Variants in CDHR2 observed in about 807,000 individuals in gnomAD.
CDHR2 encodes cadherin-related family member 2.
In CDHR2, 104 loss-of-function variants were observed where a neutral mutation model predicts 138.6. The observed-to-expected ratio is 0.75, with a 90% confidence interval of 0.64 to 0.88. The LOEUF is 0.88. Ranked by LOEUF, CDHR2 falls within the 40% of genes least tolerant of loss-of-function variation. The probability of loss-of-function intolerance (pLI) is 0.00; values close to 1 mark genes in which losing one functional copy is unlikely to be tolerated. For synonymous variants in CDHR2, 755 were observed against 742.8 expected, an observed-to-expected ratio of 1.02 and a Z score of -0.27; for missense variants, 1,624 against 1,727.6, an observed-to-expected ratio of 0.94 and a Z score of 1.06.
chr5:176,579,276 G>A (rs990531247), intron 16 of CDHR2, among the ~76,000 whole-genome samples: 2 of 152,258 alleles, frequency 1.3e-5, no homozygotes, highest in African/African-American at 4.8e-5. Flanking sequence ...TTCCAGGACT[G>A]TGTAGTTTCC....
Position 176,591,229 on chromosome 5 carries a change from G to C in CDHR2, c.3559G>C (p.Ala1187Pro). Reference sequence around the variant, plus strand: ...CCACAGCTACAACCGGAAGCTTCAAGCTATGAAGGCTGCCAAGGAGGCCAG... The same window carrying C: ...CCACAGCTACAACCGGAAGCTTCAACCTATGAAGGCTGCCAAGGAGGCCAG... ...VRKSYNRKLQ[A>P]MKAAKEARKT... The change falls in exon 29 of 32, where the codon GCT becomes CCT. Residue 1187 changes from alanine (A) to proline (P), a missense_variant. Ala to Pro is a conservative substitution (Grantham distance 27). Around this residue, in one of 3 missense-constraint regions of CDHR2, gnomAD observed 556 missense variants for 565.7 expected, o/e 0.98. Transcript: ENST00000261944. 1 of 1,613,810 alleles carries C rather than the reference G, an allele frequency of 6.2e-7. No individual in the cohort carries two copies. The highest frequency in any genetic ancestry group is 8.5e-7 in the Non-Finnish European group (1 of 1,179,868).
At chr5:176,590,018 G>A in intron 24 of CDHR2, 60 bp from the exon 25 acceptor site, 1 of 1,382,318 alleles carries the variant, frequency 7.2e-7, no homozygotes, top group African/African-American at 1.4e-5. Flanking sequence ...CACTGGCACA[G>A]CCCTGGCCAC....
chr5:176,546,038 G>C (rs755119926), upstream of CDHR2, among the ~76,000 whole-genome samples: 3 of 152,234 alleles, frequency 2.0e-5, no homozygotes, highest in Non-Finnish European at 4.4e-5. Context: ...GTTGGGGTCT[G>C]CCCTATTTGG....
rs765146657 is a variant in CDHR2, at chr5:176,589,562, T to A, written c.3152T>A (p.Leu1051Gln). 6.2e-7 allele frequency: 1 copy of A among 1,614,070 alleles called. No individual in the cohort carries two copies. The highest frequency in any genetic ancestry group is 1.1e-5 in the South Asian group (1 of 91,080). Residue 1051 changes from leucine (L) to glutamine (Q), a missense_variant, in exon 24 of 32, where the codon CTG becomes CAG. Leu to Gln is a moderately radical substitution (Grantham distance 113). Coordinates refer to ENST00000261944, the MANE Select transcript of CDHR2 (RefSeq NM_017675.6). ...GTGGACCAGAGTTACCGCTCGCGGC[T>A]GCAGTTCTCCACACCGAAGGAGGAG... ...FTVDQSYRSR[L>Q]QFSTPKEEVG...
intron 1 of CDHR2, among the ~76,000 whole-genome samples, chr5:176,559,052 G>GTGGT (rs1210161177): frequency 1.3e-5 from 2 of 152,206 alleles, no homozygotes; most frequent in African/African-American, 4.8e-5. Flanking sequence ...GCCTCTTAAC[G>GTGGT]TGGTTAGCTT....
Position 176,543,954 on chromosome 5 carries a change from C to T in CDHR2, c.-16+1185C>T, listed in dbSNP as rs1431390484. 1.3e-5 allele frequency among the ~76,000 whole-genome samples: 2 copies of T among 152,380 alleles called. No individual in the cohort carries two copies. The highest frequency in any genetic ancestry group is 1.3e-4 in the Admixed American group (2 of 15,314). On this transcript the variant is annotated intron_variant, in intron 1 of 31. Transcript: ENST00000510636. The surrounding 1 kb of genome is among the most constrained non-coding windows in gnomAD (Gnocchi z 4.0). Reference sequence around the variant, plus strand: ...ACCTGGACCAGGGCATGGCCGGCACCAGCTCAGGCCGCGGGTCCCGGCGCC... The same window carrying T: ...ACCTGGACCAGGGCATGGCCGGCACTAGCTCAGGCCGCGGGTCCCGGCGCC...
chr5:176,589,061 G>A lies in CDHR2; in HGVS notation c.2887G>A (p.Val963Ile), dbSNP rs756472116. The A allele has an allele frequency of 6.8e-6, 11 of 1,613,946 alleles. No homozygotes were observed. The East Asian group carries it at 1.6e-4, about 23-fold the overall frequency. ...ARDDDSGNNG[V>I]ILFSILRVDF... ...AGACGATGATTCAGGGAACAATGGCGTCATCCTGTTCTCCATCCTCCGAGT... is the reference window on the plus strand; with the variant it reads ...AGACGATGATTCAGGGAACAATGGCATCATCCTGTTCTCCATCCTCCGAGT... The change falls in exon 22 of 32, where the codon GTC becomes ATC. Residue 963 changes from valine (V) to isoleucine (I), a missense_variant. By Grantham distance (29) the Val-to-Ile change is conservative. Around this residue, in one of 3 missense-constraint regions of CDHR2, gnomAD observed 556 missense variants for 565.7 expected, o/e 0.98. Transcript: ENST00000261944.
intron 20 of CDHR2, among the ~76,000 whole-genome samples, chr5:176,586,442 C>T (rs541152215): frequency 1.4e-4 from 22 of 152,358 alleles, no homozygotes; most frequent in Non-Finnish European, 2.5e-4. Context: ...GTGATCTGCT[C>T]GCCTTGGCCT....
chr5:176,595,485 G>A (rs1221502118), intron 31 of CDHR2, 47 bp from the exon 32 acceptor site: 4 of 1,518,888 alleles, frequency 2.6e-6, no homozygotes, highest in African/African-American at 2.8e-5. Context: ...TGGGGCACTC[G>A]CCCCACCTTG....
chr5:176,555,329 A>G (rs1757796638), intron 1 of CDHR2, among the ~76,000 whole-genome samples: 1 of 152,170 alleles, frequency 6.6e-6, no homozygotes, highest in Non-Finnish European at 1.5e-5. Flanking sequence ...TCCCTGCCTC[A>G]GGGAGAGGCG....
chr5:176,549,173 G>A (rs567783401), upstream of CDHR2, among the ~76,000 whole-genome samples: 1 of 152,206 alleles, frequency 6.6e-6, no homozygotes, highest in Non-Finnish European at 1.5e-5. Context: ...CCCCAGGAGC[G>A]CCAGGAGCTC....
Position 176,591,263 on chromosome 5 carries a change from C to A in CDHR2, c.3593C>A (p.Ala1198Glu), listed in dbSNP as rs1581151690. Residue 1198 changes from alanine to glutamate, a missense_variant, in exon 29 of 32, where the codon GCA becomes GAA. This residue lies in a region of CDHR2 where 556 missense variants were observed against 565.7 expected (regional missense o/e 0.98). Transcript: ENST00000261944. ...GCTGCCAAGGAGGCCAGGAAGACAG[C>A]AGCAGGGGTGATGCCCTCAGCCCCT... ...MKAAKEARKT[A>E]AGVMPSAPAI... The A allele has an allele frequency of 6.2e-7, 1 of 1,613,922 alleles. No homozygotes were observed. The highest frequency in any genetic ancestry group is 1.1e-5 in the South Asian group (1 of 91,092).
intron 1 of CDHR2, among the ~76,000 whole-genome samples, chr5:176,558,742 G>A (rs935892458): frequency 6.6e-6 from 1 of 151,282 alleles, no homozygotes; most frequent in Non-Finnish European, 1.5e-5. Flanking sequence ...GGATGGTCTC[G>A]ATCTCCTGAC....
Position 176,576,239 on chromosome 5 carries a change from G to T in CDHR2, c.1194+54G>T. On this transcript the variant is annotated intron_variant, in intron 12 of 31. Coordinates refer to ENST00000261944, the MANE Select transcript of CDHR2 (RefSeq NM_017675.6). The surrounding 1 kb of genome is among the most constrained non-coding windows in gnomAD (Gnocchi z 4.5). ...GGGTGGCTGGGGGAGGCCAGTGGGA[G>T]CCTGGATCGAGTGACGGTGTCATGT... 2 of 1,398,632 alleles carry T rather than the reference G, an allele frequency of 1.4e-6. No individual in the cohort carries two copies. The highest frequency in any genetic ancestry group is 2.0e-6 in the Non-Finnish European group (2 of 1,009,976). The allele number at this position is 1,398,632 out of a possible 1,614,324, so 86.6% of individuals were successfully genotyped here. A position where few individuals can be genotyped will look rare whatever the true frequency, so the allele number is the denominator to read the frequency against.
At position 176,574,196 on chromosome 5, in the gene CDHR2, C is replaced by T. The variant is rs113163573; in HGVS notation, c.495+24C>T. On this transcript the variant is annotated intron_variant, in intron 7 of 31. Coordinates refer to ENST00000261944, the MANE Select transcript of CDHR2 (RefSeq NM_017675.6). ...AGGTGAGTGTGAAGGGGGCCCTGAC[C>T]GCCTTTGTGACCGCCAGGGGGCAGC... The T allele has an allele frequency of 8.4e-5, 131 of 1,562,570 alleles. 2 individuals carry two copies. The Middle Eastern group carries it at 1.2e-3, about 14-fold the overall frequency.
At position 176,568,643 on chromosome 5, in the gene CDHR2, C is replaced by T. The variant is rs1373980000; in HGVS notation, c.125-35C>T. ...GGCCAGACCAGCACTGAAAGGGTGG[C>T]TGTGGACCCTGGGTGGCCCCTGTCC... On this transcript the variant is annotated intron_variant, in intron 3 of 31. Coordinates refer to ENST00000261944, the MANE Select transcript of CDHR2 (RefSeq NM_017675.6). 5.0e-6 allele frequency: 8 copies of T among 1,609,458 alleles called. No homozygotes were observed. In the Admixed American group the frequency reaches 8.4e-5, roughly 17 times the overall value.
At chr5:176,593,464 G>A (rs1758939291) in intron 31 of CDHR2, among the ~76,000 whole-genome samples, 4 of 152,248 alleles carry the variant, frequency 2.6e-5, no homozygotes, top group Admixed American at 2.6e-4. Context: ...CAGGCACGGT[G>A]GACACCGCTG....
chr5:176,556,524 G>A (rs1437626662), intron 1 of CDHR2, among the ~76,000 whole-genome samples: 2 of 152,216 alleles, frequency 1.3e-5, no homozygotes, highest in Non-Finnish European at 1.5e-5. Context: ...AATTAGCCGG[G>A]TGTGGTGGCA....
At chr5:176,593,302 G>A (rs772476046) in intron 31 of CDHR2, among the ~76,000 whole-genome samples, 1 of 152,316 alleles carries the variant, frequency 6.6e-6, no homozygotes, top group African/African-American at 2.4e-5. Context: ...AAGCACCTGA[G>A]GAGCTCTTGA....
Sources: gnomAD v4.1 joint callset for allele counts (sites outside exome capture counted in the v4.1 genomes callset) on GRCh38, gnomAD v4.1.1 for gene constraint, gnomAD v4.1.1 regional missense constraint, Gnocchi (gnomAD v3.1) non-coding constraint, MANE v1.5 for transcripts, NCBI Gene and HGNC (gene_info 2026-07-23, HGNC 2026-07-21) for gene names.